TTLL11: variants seen among roughly 807,000 people sequenced by gnomAD.
The protein encoded by TTLL11 is tubulin polyglutamylase TTLL11.
In TTLL11, 42 loss-of-function variants were observed where a neutral mutation model predicts 51.7. That is an observed-to-expected ratio of 0.81 (90% CI 0.64 to 1.05). The LOEUF (loss-of-function observed/expected upper bound fraction) is 1.05. Among genes scored for constraint, TTLL11 ranks in the 50% least tolerant of loss-of-function variants. The pLI is 0.00. For synonymous variants in TTLL11, 381 were observed against 383.5 expected (o/e 0.99, Z 0.08); for missense variants, 799 against 940.4 (o/e 0.85, Z 1.97).
intron 8 of TTLL11, among the ~76,000 whole-genome samples, chr9:121,826,254 T>G: frequency 9.0e-6 from 1 of 110,734 alleles, no homozygotes; most frequent in African/African-American, 3.3e-5. Context: ...ATATATGGGT[T>G]ATATATATGG....
intron 4 of TTLL11, among the ~76,000 whole-genome samples, chr9:121,986,006 A>C (rs1842931047): frequency 6.6e-6 from 1 of 152,230 alleles, no homozygotes; most frequent in Non-Finnish European, 1.5e-5. Context: ...GTGGTGAAGA[A>C]ACATGCCCAA....
chr9:121,842,133 G>T (rs538157680), intron 8 of TTLL11, among the ~76,000 whole-genome samples: 1 of 152,290 alleles, frequency 6.6e-6, no homozygotes, highest in African/African-American at 2.4e-5. Context: ...GAGCAGGCTG[G>T]GGATGTAGAA....
rs1836398143 is a variant in TTLL11 at position 121,816,085 on chromosome 9, C to A, written c.*6502G>T. On this transcript the variant is annotated 3_prime_UTR_variant, in exon 9 of 9. Transcript: ENST00000321582. ...TACGACGTGATCCCCACTATCTAGGCAAGGAGCAGGGATCAGAGAGGTAAA... is the reference window on the plus strand; with the variant it reads ...TACGACGTGATCCCCACTATCTAGGAAAGGAGCAGGGATCAGAGAGGTAAA... The A allele has an allele frequency of 6.6e-6, 1 of 152,228 alleles. No individual in the cohort carries two copies. The highest frequency in any genetic ancestry group is 6.5e-5 in the Admixed American group (1 of 15,282). 9.4% of individuals were successfully genotyped at this position (152,228 alleles called of 1,614,324 possible).
At chr9:121,865,200 C>T (rs903260135) in intron 7 of TTLL11, among the ~76,000 whole-genome samples, 4 of 152,090 alleles carry the variant, frequency 2.6e-5, no homozygotes, top group East Asian at 1.9e-4. Context: ...AGGCCCCTTA[C>T]GCTCCTATTC....
chr9:122,076,461 C>A (rs1456956386), intron 1 of TTLL11, among the ~76,000 whole-genome samples: 2 of 152,098 alleles, frequency 1.3e-5, no homozygotes, highest in African/African-American at 4.8e-5. Context: ...TTGGCCTTGC[C>A]TCAGGAAAGG....
intron 3 of TTLL11, among the ~76,000 whole-genome samples, chr9:122,007,568 T>C (rs964025903): frequency 2.6e-5 from 4 of 151,428 alleles, no homozygotes; most frequent in African/African-American, 2.4e-5. Context: ...AAAATAGATA[T>C]TGATGGTAAA....
intron 6 of TTLL11, among the ~76,000 whole-genome samples, chr9:121,882,415 C>T (rs942612581): frequency 2.0e-5 from 3 of 152,210 alleles, no homozygotes; most frequent in African/African-American, 7.2e-5. Flanking sequence ...GGTGACCATG[C>T]ACCTCCTAAT....
At chr9:121,948,221 C>T (rs200177549) in intron 6 of TTLL11, among the ~76,000 whole-genome samples, 4 of 152,090 alleles carry the variant, frequency 2.6e-5, no homozygotes, top group Non-Finnish European at 5.9e-5. Context: ...TTAACACAAC[C>T]GGAACATGGC....
intron 7 of TTLL11, among the ~76,000 whole-genome samples, chr9:121,862,215 G>A (rs1246157736): frequency 6.6e-6 from 1 of 151,696 alleles, no homozygotes; most frequent in Non-Finnish European, 1.5e-5. Flanking sequence ...GGGGAGGGCA[G>A]TCTGGTATGC....
At chr9:121,978,410 T>C (rs72765946) in intron 4 of TTLL11, among the ~76,000 whole-genome samples, 19,642 of 152,086 alleles carry the variant, frequency 0.13, 1,427 homozygotes, top group Middle Eastern at 0.2. Flanking sequence ...AAATTTGACC[T>C]TTTACCTATG....
chr9:122,062,907 A>G (rs947993329), intron 1 of TTLL11, among the ~76,000 whole-genome samples: 53 of 150,568 alleles, frequency 3.5e-4, no homozygotes, highest in African/African-American at 1.2e-3. Flanking sequence ...AGCCTCCCCA[A>G]TAGCTGGGAC....
At chr9:121,968,747 G>C (rs974388145) in intron 6 of TTLL11, among the ~76,000 whole-genome samples, 1 of 151,780 alleles carries the variant, frequency 6.6e-6, no homozygotes, top group Non-Finnish European at 1.5e-5. Flanking sequence ...TTTTAGTAGA[G>C]ACAGGGTTTC....
intron 6 of TTLL11, among the ~76,000 whole-genome samples, chr9:121,895,447 T>TTGTGTGGTTGTGTAAA (rs1387847799): frequency 6.6e-6 from 1 of 151,142 alleles, no homozygotes; most frequent in African/African-American, 2.4e-5. Context: ...CTGTGCACGT[T>TTGTGTGGTTGTGTAAA]TGTGTGGTTG....
chr9:121,986,819 C>G (rs894532810), intron 4 of TTLL11, among the ~76,000 whole-genome samples: 1 of 151,940 alleles, frequency 6.6e-6, no homozygotes, highest in Non-Finnish European at 1.5e-5. Context: ...CCACTCCCTC[C>G]GTTCTCACTT....
At chr9:122,070,875 T>G (rs1294571782) in intron 1 of TTLL11, among the ~76,000 whole-genome samples, 1 of 152,068 alleles carries the variant, frequency 6.6e-6, no homozygotes. Context: ...CATTCAGCCT[T>G]GGCACGAAAA....
chr9:122,044,835 C>G (rs978853062), intron 1 of TTLL11, among the ~76,000 whole-genome samples: 1 of 152,100 alleles, frequency 6.6e-6, no homozygotes, highest in Non-Finnish European at 1.5e-5. Context: ...ACAGGCTGGG[C>G]GAGGTGGCAC....
chr9:121,842,565 C>T (rs1334616798), intron 8 of TTLL11, among the ~76,000 whole-genome samples: 8 of 152,198 alleles, frequency 5.3e-5, no homozygotes, highest in African/African-American at 1.9e-4. Flanking sequence ...TGCCTGGCCC[C>T]CTTCTACTTT....
intron 3 of TTLL11, among the ~76,000 whole-genome samples, chr9:121,992,256 C>T (rs941533376): frequency 2.0e-5 from 3 of 152,278 alleles, no homozygotes; most frequent in African/African-American, 2.4e-5. Context: ...CAGACCCTTC[C>T]GCCACTACTA....
intron 8 of TTLL11, among the ~76,000 whole-genome samples, chr9:121,837,891 C>T (rs764291641): frequency 8.5e-5 from 13 of 152,238 alleles, no homozygotes; most frequent in Non-Finnish European, 1.8e-4. Context: ...GGAAGCCTCC[C>T]TCCTGGAGAC....
Sources: gnomAD v4.1 joint callset for allele counts (sites outside exome capture counted in the v4.1 genomes callset) on GRCh38, gnomAD v4.1.1 for gene constraint, MANE v1.5 for transcripts, NCBI Gene and HGNC (gene_info 2026-07-23, HGNC 2026-07-21) for gene names.